TAFA2: variants seen among roughly 807,000 people sequenced by gnomAD.
TAFA2 encodes chemokine-like protein TAFA-2.
TAFA2 carries 7 observed loss-of-function variants against 18.8 expected under a neutral mutation model. That is an observed-to-expected ratio of 0.37 (90% confidence interval 0.21 to 0.70). The LOEUF is 0.70. Ranked by LOEUF, TAFA2 falls within the 30% of genes least tolerant of loss-of-function variation. The pLI, the probability that TAFA2 is intolerant of heterozygous loss-of-function variation, is 0.53. For missense variants in TAFA2, 122 were observed against 158.1 expected (o/e 0.77, Z 1.23); for synonymous variants, 60 against 54.2 (o/e 1.11, Z -0.47).
At chr12:62,027,634 T>C (rs1881343846) in intron 1 of TAFA2, among the ~76,000 whole-genome samples, 1 of 152,174 alleles carries the variant, frequency 6.6e-6, no homozygotes, top group Non-Finnish European at 1.5e-5. Flanking sequence ...ACCCCCTTCC[T>C]TCAGCAGAAC....
intron 1 of TAFA2, among the ~76,000 whole-genome samples, chr12:61,909,399 C>A (rs1876504961): frequency 6.6e-6 from 1 of 152,134 alleles, no homozygotes; most frequent in South Asian, 2.1e-4. Flanking sequence ...AGGAAATACA[C>A]ATTTGGAACT....
upstream of TAFA2, among the ~76,000 whole-genome samples, chr12:62,197,330 T>C (rs577352272): frequency 6.6e-6 from 1 of 152,364 alleles, no homozygotes; most frequent in East Asian, 1.9e-4. Context: ...AAAAAATAAT[T>C]TCTTTAAACA....
chr12:61,720,598 T>C lies in TAFA2; in HGVS notation c.385-10181A>G, dbSNP rs1869850522. 1.3e-5 allele frequency: 3 copies of C among 231,400 alleles called. No homozygotes were observed. In the Admixed American group the frequency reaches 1.6e-4, roughly 12 times the overall value. The allele number at this position is 231,400 out of a possible 1,614,324, so 14.3% of individuals were successfully genotyped here. ...CCCTAAAGCTGTACCAAGTTCATTG[T>C]CCCCTCTGAAATCAGGGGCACTTAA... On this transcript the variant is annotated intron_variant, in intron 4 of 4. Transcript: ENST00000416284.
chr12:61,850,984 C>T (rs1873617944), intron 2 of TAFA2, among the ~76,000 whole-genome samples: 1 of 152,082 alleles, frequency 6.6e-6, no homozygotes, highest in Non-Finnish European at 1.5e-5. Context: ...TTCTATTCAA[C>T]ATTTTGAAAT....
At chr12:62,033,247 T>C (rs1252238706) in intron 1 of TAFA2, among the ~76,000 whole-genome samples, 1 of 152,190 alleles carries the variant, frequency 6.6e-6, no homozygotes, top group Non-Finnish European at 1.5e-5. Flanking sequence ...CCCACTCACA[T>C]TATGGGGCTT....
intron 1 of TAFA2, among the ~76,000 whole-genome samples, chr12:62,141,181 A>T (rs2062236691): frequency 6.6e-6 from 1 of 152,248 alleles, no homozygotes; most frequent in Non-Finnish European, 1.5e-5. Flanking sequence ...TCTTCATTTT[A>T]CACAGAGAAG....
intron 1 of TAFA2, among the ~76,000 whole-genome samples, chr12:62,113,123 A>T (rs1309161265): frequency 6.6e-6 from 1 of 152,028 alleles, no homozygotes; most frequent in Non-Finnish European, 1.5e-5. Context: ...GTGAATTTAT[A>T]TACCTTTGTT....
At chr12:62,053,367 T>C (rs1050366483) in intron 1 of TAFA2, among the ~76,000 whole-genome samples, 2 of 152,138 alleles carry the variant, frequency 1.3e-5, no homozygotes, top group Non-Finnish European at 2.9e-5. Context: ...TTTCCTTTCA[T>C]TGAGACTTTG....
intron 1 of TAFA2, among the ~76,000 whole-genome samples, chr12:62,035,032 T>C (rs931452792): frequency 6.6e-6 from 1 of 152,338 alleles, no homozygotes; most frequent in African/African-American, 2.4e-5. Context: ...GTTTTGCCTA[T>C]AACTACTGCA....
At chr12:61,869,662 GA>G (rs1240319452) in intron 1 of TAFA2, among the ~76,000 whole-genome samples, 1 of 152,138 alleles carries the variant, frequency 6.6e-6, no homozygotes, top group African/African-American at 2.4e-5. Context: ...GTGTCCTCAG[GA>G]AGCCTCTTAG....
chr12:61,899,936 C>A (rs1256349504), intron 1 of TAFA2, among the ~76,000 whole-genome samples: 1 of 152,194 alleles, frequency 6.6e-6, no homozygotes, highest in Non-Finnish European at 1.5e-5. Flanking sequence ...CATTTTATAG[C>A]AGACACCTGA....
chr12:61,970,620 A>C (rs1879214764), intron 1 of TAFA2, among the ~76,000 whole-genome samples: 1 of 151,600 alleles, frequency 6.6e-6, no homozygotes, highest in Non-Finnish European at 1.5e-5. Flanking sequence ...GTAATAACAA[A>C]AACTATGTTC....
At chr12:62,067,466 T>C (rs1455544101) in intron 1 of TAFA2, among the ~76,000 whole-genome samples, 1 of 152,126 alleles carries the variant, frequency 6.6e-6, no homozygotes, top group Non-Finnish European at 1.5e-5. Flanking sequence ...TTTAAGTCTT[T>C]AATCCACTTT....
chr12:62,125,863 T>C (rs1870435499), intron 1 of TAFA2, among the ~76,000 whole-genome samples: 1 of 152,124 alleles, frequency 6.6e-6, no homozygotes, highest in South Asian at 2.1e-4. Context: ...CACTAGCAGA[T>C]AATAATAGTA....
At chr12:62,197,583 T>C (rs929530802), upstream of TAFA2, among the ~76,000 whole-genome samples, 1 of 152,212 alleles carries the variant, frequency 6.6e-6, no homozygotes, top group Non-Finnish European at 1.5e-5. Context: ...CCCCAAAAGT[T>C]ACCTCATGCC....
chr12:62,107,725 C>T (rs948065684), intron 1 of TAFA2, among the ~76,000 whole-genome samples: 2 of 152,230 alleles, frequency 1.3e-5, no homozygotes, highest in African/African-American at 2.4e-5. Flanking sequence ...TCTTTCCTTA[C>T]TTAGCATAGA....
At chr12:61,712,852 G>A (rs1201010713) in intron 4 of TAFA2, among the ~76,000 whole-genome samples, 1 of 151,802 alleles carries the variant, frequency 6.6e-6, no homozygotes, top group Non-Finnish European at 1.5e-5. Context: ...GAGGACACAT[G>A]GTGATTCGGC....
At chr12:62,187,926 TTCAAAA>T (rs766566111) in intron 1 of TAFA2, among the ~76,000 whole-genome samples, 10 of 152,202 alleles carry the variant, frequency 6.6e-5, no homozygotes, top group Non-Finnish European at 1.0e-4. Flanking sequence ...CTCAAAGTAG[TTCAAAA>T]TAAAGTTAAC....
chr12:62,254,020 C>T (rs972358868), intron 1 of TAFA2, among the ~76,000 whole-genome samples: 3 of 152,208 alleles, frequency 2.0e-5, no homozygotes, highest in Admixed American at 6.5e-5. Flanking sequence ...AATACCTTCA[C>T]ACAAAAGACT....
Sources: gnomAD v4.1 joint callset for allele counts (sites outside exome capture counted in the v4.1 genomes callset) on GRCh38, gnomAD v4.1.1 for gene constraint, MANE v1.5 for transcripts, NCBI Gene and HGNC (gene_info 2026-07-23, HGNC 2026-07-21) for gene names.